DIP2B: variants seen among roughly 807,000 people sequenced by gnomAD.
The protein encoded by DIP2B is DIP2 acetate--CoA ligase B (putative).
A neutral mutation model predicts 198.0 loss-of-function variants in DIP2B; 76 were observed. That is an observed-to-expected ratio of 0.38 (90% CI 0.32 to 0.46). DIP2B has a LOEUF of 0.46. DIP2B is among the 20% of genes least tolerant of loss of function. The probability of loss-of-function intolerance (pLI) is 0.99; values close to 1 mark genes in which losing one functional copy is unlikely to be tolerated. For missense variants in DIP2B, 1,559 were observed against 1,978.4 expected (o/e 0.79, Z 4.02); for synonymous variants, 701 against 739.1 (o/e 0.95, Z 0.84).
intron 1 of DIP2B, among the ~76,000 whole-genome samples, chr12:50,567,608 A>G (rs1420148916): frequency 6.6e-6 from 1 of 152,134 alleles, no homozygotes; most frequent in African/African-American, 2.4e-5. Flanking sequence ...GCTTACTGCA[A>G]CCTTTACCAC....
At chr12:50,730,610 C>T (rs1940025377) in intron 30 of DIP2B, among the ~76,000 whole-genome samples, 3 of 152,108 alleles carry the variant, frequency 2.0e-5, no homozygotes, top group Admixed American at 2.0e-4. Flanking sequence ...TGGTCTTCAC[C>T]TTCTGGGCTC....
intron 1 of DIP2B, among the ~76,000 whole-genome samples, chr12:50,597,207 C>G (rs986635488): frequency 6.6e-6 from 1 of 152,156 alleles, no homozygotes; most frequent in Non-Finnish European, 1.5e-5. Context: ...TGTAGATTTA[C>G]TTCATTCTTT....
intron 1 of DIP2B, among the ~76,000 whole-genome samples, chr12:50,602,893 G>C (rs1213274967): frequency 3.4e-5 from 5 of 146,456 alleles, no homozygotes; most frequent in East Asian, 2.0e-4. Flanking sequence ...GGCGGGGCGC[G>C]GTGGCTCACG....
At chr12:50,661,430 T>C (rs933282755) in intron 4 of DIP2B, among the ~76,000 whole-genome samples, 16 of 152,232 alleles carry the variant, frequency 1.1e-4, no homozygotes, top group African/African-American at 3.9e-4. Context: ...TTCTCGGTTT[T>C]GGCTAACTTC....
At chr12:50,729,736 C>CTT (rs35318106) in intron 30 of DIP2B, among the ~76,000 whole-genome samples, 1 of 141,256 alleles carries the variant, frequency 7.1e-6, no homozygotes, top group Non-Finnish European at 1.5e-5. Flanking sequence ...TTTTCTTTTT[C>CTT]TTTTTTTTTT....
At chr12:50,541,916 T>C (rs1184960016) in intron 1 of DIP2B, among the ~76,000 whole-genome samples, 1 of 151,202 alleles carries the variant, frequency 6.6e-6, no homozygotes, top group Non-Finnish European at 1.5e-5. Context: ...GCACGAGAAT[T>C]GCTTGAACCC....
At chr12:50,741,595 C>G in intron 37 of DIP2B, 56 bp downstream of exon 37, 2 of 1,567,034 alleles carry the variant, frequency 1.3e-6, no homozygotes, top group Non-Finnish European at 1.7e-6. Context: ...ATAATCTCAA[C>G]TGATCTAATT....
At chr12:50,616,402 C>T (rs2139458778) in intron 1 of DIP2B, among the ~76,000 whole-genome samples, 1 of 152,172 alleles carries the variant, frequency 6.6e-6, no homozygotes, top group African/African-American at 2.4e-5. Context: ...TATTTTATTC[C>T]AAAAAAATTA....
chr12:50,739,429 T>G lies in DIP2B; in HGVS notation c.4197T>G (p.His1399Gln). Residue 1399 changes from histidine to glutamine, a missense_variant, in exon 36 of 38, where the codon CAT (histidine) becomes CAG (glutamine). Physicochemically the swap from His to Gln is conservative, Grantham distance 24 (BLOSUM62 0). Transcript: ENST00000301180. ...TGTAGATTTGGGTGAACAGTCCCCATACAGCCAGCGGCTACTACACCATCT... is the reference window on the plus strand; with the variant it reads ...TGTAGATTTGGGTGAACAGTCCCCAGACAGCCAGCGGCTACTACACCATCT... Reference protein sequence around the residue: ...HLGEIWVNSPHTASGYYTIYD... With the variant: ...HLGEIWVNSPQTASGYYTIYD... 1 of 1,613,420 alleles carries G rather than the reference T, an allele frequency of 6.2e-7. No homozygotes were observed. Among genetic ancestry groups the G allele is most frequent in the Non-Finnish European group, 8.5e-7 (1 of 1,179,378 alleles).
chr12:50,573,706 A>G (rs1958634781), intron 1 of DIP2B, among the ~76,000 whole-genome samples: 1 of 152,242 alleles, frequency 6.6e-6, no homozygotes, highest in Non-Finnish European at 1.5e-5. Flanking sequence ...GTCTTTAAAA[A>G]TGGTTAGTCC....
intron 9 of DIP2B, among the ~76,000 whole-genome samples, chr12:50,681,065 G>T (rs1348134260): frequency 6.6e-6 from 1 of 152,092 alleles, no homozygotes; most frequent in Non-Finnish European, 1.5e-5. Flanking sequence ...TGAATCTTTA[G>T]ACAATAAGAA....
At chr12:50,612,577 C>T (rs979723448) in intron 1 of DIP2B, among the ~76,000 whole-genome samples, 13 of 151,928 alleles carry the variant, frequency 8.6e-5, no homozygotes, top group Admixed American at 2.6e-4. Flanking sequence ...TACAGGTGTG[C>T]GCCACCATGC....
intron 1 of DIP2B, among the ~76,000 whole-genome samples, chr12:50,517,093 A>G (rs536291315): frequency 4.0e-5 from 6 of 151,596 alleles, no homozygotes; most frequent in Admixed American, 1.3e-4. Context: ...ATTTTTTTGT[A>G]TTTTTTTAGT....
intron 32 of DIP2B, among the ~76,000 whole-genome samples, chr12:50,733,008 C>T (rs1004039286): frequency 5.3e-5 from 8 of 151,940 alleles, no homozygotes; most frequent in Non-Finnish European, 1.0e-4. Flanking sequence ...TGGGTTCAAG[C>T]GGTTCTCTCA....
intron 2 of DIP2B, among the ~76,000 whole-genome samples, chr12:50,639,745 A>T (rs931714339): frequency 6.6e-6 from 1 of 152,218 alleles, no homozygotes; most frequent in African/African-American, 2.4e-5. Context: ...GTGCTATTTC[A>T]GAAACTTAAG....
intron 32 of DIP2B, 129 bp from the exon 33 acceptor site, chr12:50,734,006 C>T: frequency 1.1e-6 from 1 of 924,486 alleles, no homozygotes; most frequent in Non-Finnish European, 1.8e-6. Flanking sequence ...AGGGGGCCTA[C>T]TCTCAAGGGG....
At chr12:50,651,704 A>T (rs1189724430) in intron 3 of DIP2B, among the ~76,000 whole-genome samples, 1 of 152,180 alleles carries the variant, frequency 6.6e-6, no homozygotes, top group East Asian at 1.9e-4. Flanking sequence ...TTATGCCAGT[A>T]CCAAACTATT....
chr12:50,571,654 G>A (rs1355780551), intron 1 of DIP2B, among the ~76,000 whole-genome samples: 1 of 143,054 alleles, frequency 7.0e-6, no homozygotes, highest in Admixed American at 7.2e-5. Context: ...CTGGGTTCAA[G>A]TGATTCTTCT....
At chr12:50,714,292 G>A (rs1939672531) in intron 22 of DIP2B, 103 bp from the exon 23 acceptor site, 3 of 1,294,462 alleles carry the variant, frequency 2.3e-6, no homozygotes, top group East Asian at 2.4e-5. Flanking sequence ...TCTAGAATGG[G>A]TAGAGTAAGA....
Sources: gnomAD v4.1 joint callset for allele counts (sites outside exome capture counted in the v4.1 genomes callset) on GRCh38, gnomAD v4.1.1 for gene constraint, MANE v1.5 for transcripts, NCBI Gene and HGNC (gene_info 2026-07-23, HGNC 2026-07-21) for gene names.